The following RBFOX1 variants were observed in gnomAD, a reference collection of about 807,000 sequenced individuals.
RBFOX1 encodes the protein RNA binding protein fox-1 homolog 1.
A neutral mutation model predicts 57.7 loss-of-function variants in RBFOX1; 8 were observed. The observed-to-expected ratio is 0.14, with a 90% CI of 0.08 to 0.25. RBFOX1 has a LOEUF of 0.25. RBFOX1 is among the 10% of genes least tolerant of loss of function. RBFOX1 has a pLI of 1.00. For synonymous variants in RBFOX1, 326 were observed against 222.4 expected (o/e 1.47, Z -4.15); for missense variants, 611 against 548.5 (o/e 1.11, Z -1.14).
chr16:6,292,826 A>T (rs1022013419), intron 1 of RBFOX1, among the ~76,000 whole-genome samples: 3 of 152,184 alleles, frequency 2.0e-5, no homozygotes, highest in African/African-American at 7.2e-5. Context: ...TCAGCCTGGG[A>T]GCTACATTTC....
rs568440415 is a variant in RBFOX1, at chr16:6,886,038, G to C, written c.-15-166019G>C. Among the ~76,000 whole-genome samples the C allele has an allele frequency of 4.3e-4, 65 of 151,564 alleles. 1 individual carries two copies. In the South Asian group the frequency reaches 6.3e-3, roughly 15 times the overall value. ...GATTTCATGCATCAAGGATACTGTT[G>C]ACTGTCCAGTGAAAGTATTTTTTTT... On this transcript the variant is annotated intron_variant, in intron 3 of 15. Coordinates refer to ENST00000550418, the MANE Select transcript of RBFOX1 (RefSeq NM_018723.4).
intron 3 of RBFOX1, chr16:6,774,027 GC>G: frequency 1.0e-6 from 1 of 984,328 alleles, no homozygotes; most frequent in Non-Finnish European, 1.2e-6. Context: ...ATCACAGTTT[GC>G]TTTTTCTACC....
chr16:6,813,327 T>C (rs1296783550), intron 3 of RBFOX1, among the ~76,000 whole-genome samples: 1 of 152,204 alleles, frequency 6.6e-6, no homozygotes, highest in Non-Finnish European at 1.5e-5. Flanking sequence ...TAGCCTCCAG[T>C]TGACCACATT....
chr16:6,759,880 A>C (rs572373949), intron 3 of RBFOX1, among the ~76,000 whole-genome samples: 1 of 152,332 alleles, frequency 6.6e-6, no homozygotes, highest in Admixed American at 6.5e-5. Flanking sequence ...CGAACTGATG[A>C]AATCAAGTAT....
At chr16:6,922,615 C>G (rs559791433) in intron 3 of RBFOX1, among the ~76,000 whole-genome samples, 3 of 152,120 alleles carry the variant, frequency 2.0e-5, no homozygotes, top group African/African-American at 7.2e-5. Flanking sequence ...CTTTTACTTG[C>G]TGACTGTTGA....
chr16:6,871,908 AGTCTGTGT>A (rs1228647723), intron 3 of RBFOX1, among the ~76,000 whole-genome samples: 3 of 85,128 alleles, frequency 3.5e-5, no homozygotes. Flanking sequence ...AGAGGGAGAG[AGTCTGTGT>A]GTGTGTGTGT....
intron 14 of RBFOX1, among the ~76,000 whole-genome samples, chr16:7,698,931 C>T (rs563003467): frequency 9.9e-5 from 15 of 152,206 alleles, no homozygotes; most frequent in African/African-American, 3.6e-4. Flanking sequence ...CTGAATTAGC[C>T]TAAGTGGGAA....
chr16:7,153,520 A>T (rs1342874230), intron 4 of RBFOX1, among the ~76,000 whole-genome samples: 1 of 151,802 alleles, frequency 6.6e-6, no homozygotes, highest in Non-Finnish European at 1.5e-5. Flanking sequence ...GTGAATCACA[A>T]GGTCAAGAGA....
chr16:6,947,078 T>C (rs1029173919), intron 3 of RBFOX1, among the ~76,000 whole-genome samples: 5 of 152,296 alleles, frequency 3.3e-5, no homozygotes, highest in African/African-American at 1.2e-4. Context: ...CTGTGCTTTC[T>C]CAGAGAATAG....
intron 4 of RBFOX1, among the ~76,000 whole-genome samples, chr16:5,985,383 G>T (rs988311257): frequency 6.6e-6 from 1 of 151,970 alleles, no homozygotes; most frequent in Admixed American, 6.6e-5. Flanking sequence ...TATTAATTCA[G>T]TCCCTTCTCT....
At chr16:7,022,284 A>G (rs2039535705) in intron 3 of RBFOX1, among the ~76,000 whole-genome samples, 2 of 151,230 alleles carry the variant, frequency 1.3e-5, no homozygotes, top group African/African-American at 2.4e-5. Context: ...AACTCAAGAC[A>G]TTAAGTGATC....
chr16:6,967,259 T>G (rs2084471822), intron 3 of RBFOX1, among the ~76,000 whole-genome samples: 1 of 152,182 alleles, frequency 6.6e-6, no homozygotes. Flanking sequence ...TCTGTCTGTC[T>G]GTACACTCAT....
At chr16:5,485,117 C>T (rs376120733) in intron 2 of RBFOX1, among the ~76,000 whole-genome samples, 3 of 151,848 alleles carry the variant, frequency 2.0e-5, no homozygotes, top group Non-Finnish European at 2.9e-5. Flanking sequence ...GAGGCCGAGG[C>T]GGGCGGATGA....
At chr16:6,628,616 G>T (rs1383225717) in intron 2 of RBFOX1, among the ~76,000 whole-genome samples, 1 of 151,830 alleles carries the variant, frequency 6.6e-6, no homozygotes, top group Non-Finnish European at 1.5e-5. Context: ...CCTTCAGCAG[G>T]GTGTAAATCT....
At chr16:6,422,736 G>A (rs1597027617) in intron 2 of RBFOX1, among the ~76,000 whole-genome samples, 4 of 152,110 alleles carry the variant, frequency 2.6e-5, no homozygotes, top group South Asian at 2.1e-4. Flanking sequence ...CACAAAAATA[G>A]CACCAAGGGG....
chr16:5,910,212 G>A (rs1014679090), intron 4 of RBFOX1, among the ~76,000 whole-genome samples: 6 of 152,152 alleles, frequency 3.9e-5, no homozygotes, highest in Admixed American at 6.5e-5. Context: ...CTCAGAATGA[G>A]AAGGGAACTA....
chr16:5,862,419 C>T (rs983504696), intron 3 of RBFOX1, among the ~76,000 whole-genome samples: 5 of 152,050 alleles, frequency 3.3e-5, no homozygotes, highest in African/African-American at 7.2e-5. Context: ...CCTGGCGGGT[C>T]GCTTGTAGCA....
chr16:5,795,375 C>G (rs1293065495), intron 3 of RBFOX1, among the ~76,000 whole-genome samples: 4 of 151,974 alleles, frequency 2.6e-5, no homozygotes, highest in Admixed American at 6.6e-5. Context: ...GAGATCATGG[C>G]TCATTGCTGT....
chr16:7,018,850 G>A (rs961209728), intron 3 of RBFOX1, among the ~76,000 whole-genome samples: 3 of 152,066 alleles, frequency 2.0e-5, no homozygotes, highest in Non-Finnish European at 4.4e-5. Flanking sequence ...CAGGTGCAGT[G>A]GCTGACGACT....
Sources: allele counts gnomAD v4.1 joint callset (sites outside exome capture counted in the v4.1 genomes callset), GRCh38; gene constraint gnomAD v4.1.1; transcripts MANE v1.5; gene names NCBI Gene and HGNC (gene_info 2026-07-23, HGNC 2026-07-21).